Variants in ARFIP1 observed in about 807,000 individuals in gnomAD.
ARFIP1 encodes the protein arfaptin-1.
Under a neutral mutation model 42.5 loss-of-function variants are expected in ARFIP1, and 24 were observed. The observed-to-expected ratio is 0.57, with a 90% CI of 0.41 to 0.80. ARFIP1 has a LOEUF of 0.80. Among genes scored for constraint, ARFIP1 ranks in the 30% least tolerant of loss-of-function variants. The probability of loss-of-function intolerance (pLI) is 0.00; values close to 1 mark genes in which losing one functional copy is unlikely to be tolerated. For missense variants in ARFIP1, 354 were observed against 434.0 expected, an observed-to-expected ratio of 0.82 and a Z score of 1.64; for synonymous variants, 141 against 153.7, an observed-to-expected ratio of 0.92 and a Z score of 0.61.
intron 2 of ARFIP1, among the ~76,000 whole-genome samples, chr4:152,835,718 T>C (rs1731594397): frequency 6.6e-6 from 1 of 152,232 alleles, no homozygotes; most frequent in Non-Finnish European, 1.5e-5. Flanking sequence ...TCTGTGTTAG[T>C]CCATACTTAT....
At chr4:152,833,909 G>A (rs903237554) in intron 2 of ARFIP1, among the ~76,000 whole-genome samples, 12 of 151,940 alleles carry the variant, frequency 7.9e-5, no homozygotes, top group African/African-American at 2.9e-4. Flanking sequence ...AGAAATACCT[G>A]AGGCTAGGTA....
chr4:152,807,560 T>A (rs1352557269), intron 1 of ARFIP1, among the ~76,000 whole-genome samples: 1 of 152,216 alleles, frequency 6.6e-6, no homozygotes, highest in Non-Finnish European at 1.5e-5. Context: ...ATTCCTGTAC[T>A]TTCATTTGTG....
At chr4:152,801,714 C>T (rs1179352565) in intron 1 of ARFIP1, among the ~76,000 whole-genome samples, 1 of 152,050 alleles carries the variant, frequency 6.6e-6, no homozygotes, top group Non-Finnish European at 1.5e-5. Context: ...ATTTAGGGTA[C>T]CCATAGTGAC....
At chr4:152,799,207 T>G (rs1275407059) in intron 1 of ARFIP1, among the ~76,000 whole-genome samples, 1 of 133,012 alleles carries the variant, frequency 7.5e-6, no homozygotes, top group East Asian at 2.3e-4. Flanking sequence ...GGTTTGCCTG[T>G]TGTAATGAAT....
intron 1 of ARFIP1, among the ~76,000 whole-genome samples, chr4:152,809,132 A>C (rs1001418353): frequency 6.6e-6 from 1 of 152,184 alleles, no homozygotes; most frequent in African/African-American, 2.4e-5. Context: ...TTTTTGTGTA[A>C]ATACAAAAGA....
chr4:152,862,922 T>C (rs905835367), intron 2 of ARFIP1, among the ~76,000 whole-genome samples: 3 of 152,178 alleles, frequency 2.0e-5, no homozygotes, highest in Non-Finnish European at 4.4e-5. Flanking sequence ...ATTTACAAAG[T>C]TCTGGGAAAA....
intron 2 of ARFIP1, among the ~76,000 whole-genome samples, chr4:152,852,879 T>A (rs1055431359): frequency 2.0e-5 from 3 of 152,234 alleles, no homozygotes; most frequent in African/African-American, 7.2e-5. Flanking sequence ...CCTATTTGTA[T>A]CATTTTTGGT....
rs1734096226 is a variant in ARFIP1 at position 152,863,844 on chromosome 4, A to T, written c.202+130A>T. 5 of 556,336 alleles carry T rather than the reference A, an allele frequency of 9.0e-6. No individual in the cohort carries two copies. The South Asian group carries it at 1.2e-4, about 14-fold the overall frequency. 34.5% of individuals were successfully genotyped at this position (556,336 alleles called of 1,614,324 possible). ...GTGATAAAACATTGATTATAAATGT[A>T]TTCCTTTTTCTCTTCAATTTAAGTA... On this transcript the variant is annotated intron_variant, in intron 3 of 8. Coordinates refer to ENST00000353617, the MANE Select transcript of ARFIP1 (RefSeq NM_001025595.3).
chr4:152,908,930 G>A (rs1000533356), intron 8 of ARFIP1, among the ~76,000 whole-genome samples: 5 of 151,132 alleles, frequency 3.3e-5, no homozygotes, highest in African/African-American at 1.2e-4. Flanking sequence ...GTGTGTGTGT[G>A]TGTGTGTGTG....
At position 152,910,061 on chromosome 4, in the gene ARFIP1, C is replaced by T; in HGVS notation, c.967-3C>T. On this transcript the variant is annotated splice_region_variant and splice_polypyrimidine_tract_variant and intron_variant, in intron 8 of 8. Transcript: ENST00000353617. ...TGGTCTTGTAACTCTGCCCTGTCCA[C>T]AGGTTAAAGTATTGCACAATCAGCT... 1 of 1,613,524 alleles carries T rather than the reference C, an allele frequency of 6.2e-7. No individual in the cohort carries two copies. The highest frequency in any genetic ancestry group is 8.5e-7 in the Non-Finnish European group (1 of 1,179,790).
intron 7 of ARFIP1, among the ~76,000 whole-genome samples, chr4:152,887,631 T>G (rs1736372932): frequency 6.6e-6 from 1 of 152,062 alleles, no homozygotes; most frequent in Non-Finnish European, 1.5e-5. Flanking sequence ...TGAAATTAAT[T>G]ATTATTTCAT....
chr4:152,831,791 C>A (rs555539018), intron 2 of ARFIP1, among the ~76,000 whole-genome samples: 1 of 151,792 alleles, frequency 6.6e-6, no homozygotes, highest in East Asian at 1.9e-4. Flanking sequence ...ATTTTAAGTT[C>A]TGGGATACAT....
chr4:152,892,944 C>G (rs1303954374), intron 8 of ARFIP1, among the ~76,000 whole-genome samples: 1 of 152,094 alleles, frequency 6.6e-6, no homozygotes, highest in African/African-American at 2.4e-5. Flanking sequence ...TTTTTGAGAC[C>G]TTTAAATAAT....
intron 7 of ARFIP1, among the ~76,000 whole-genome samples, chr4:152,886,922 G>A (rs914910417): frequency 6.6e-6 from 1 of 151,954 alleles, no homozygotes; most frequent in Non-Finnish European, 1.5e-5. Flanking sequence ...TTCAGTATGA[G>A]TTAAGAATAA....
intron 3 of ARFIP1, 144 bp from the exon 4 acceptor site, chr4:152,870,609 C>A: frequency 1.7e-6 from 1 of 579,458 alleles, no homozygotes. Flanking sequence ...TAGTCCTTCC[C>A]TGAAAGAAAA....
At chr4:152,801,143 C>T (rs139589123) in intron 1 of ARFIP1, among the ~76,000 whole-genome samples, 9 of 152,088 alleles carry the variant, frequency 5.9e-5, no homozygotes, top group East Asian at 5.8e-4. Context: ...TAAAGATATA[C>T]GTAAGTTATT....
chr4:152,834,133 G>A (rs1348581192), intron 2 of ARFIP1, among the ~76,000 whole-genome samples: 1 of 152,108 alleles, frequency 6.6e-6, no homozygotes, highest in African/African-American at 2.4e-5. Flanking sequence ...TAAACTAACT[G>A]AGCAAGAACT....
intron 2 of ARFIP1, among the ~76,000 whole-genome samples, chr4:152,833,490 G>T (rs2149849187): frequency 6.6e-6 from 1 of 152,270 alleles, no homozygotes; most frequent in South Asian, 2.1e-4. Flanking sequence ...ACGACCATAA[G>T]ATCTAGCAGT....
chr4:152,886,397 A>G (rs536492489), intron 7 of ARFIP1, among the ~76,000 whole-genome samples: 1 of 151,910 alleles, frequency 6.6e-6, no homozygotes, highest in Non-Finnish European at 1.5e-5. Flanking sequence ...TCTAATGTTA[A>G]TTCCTTCCAT....
Sources: allele counts gnomAD v4.1 joint callset (sites outside exome capture counted in the v4.1 genomes callset), GRCh38; gene constraint gnomAD v4.1.1; transcripts MANE v1.5; gene names NCBI Gene and HGNC (gene_info 2026-07-23, HGNC 2026-07-21).